Variants in PDE6C observed in about 807,000 individuals in gnomAD.
The protein encoded by PDE6C is phosphodiesterase 6C.
Under a neutral mutation model 113.1 loss-of-function variants are expected in PDE6C, and 75 were observed. That is an observed-to-expected ratio of 0.66 (90% CI 0.55 to 0.80). PDE6C has a LOEUF of 0.80. Ranked by LOEUF, PDE6C falls within the 30% of genes least tolerant of loss-of-function variation. PDE6C has a pLI of 0.00. For synonymous variants in PDE6C, 375 were observed against 363.7 expected (o/e 1.03, Z -0.35); for missense variants, 912 against 1,038.6 (o/e 0.88, Z 1.67).
Position 93,635,607 on chromosome 10 carries a change from C to A in PDE6C, c.1380C>A (p.Thr460=), listed in dbSNP as rs3737228. 3.5e-5 allele frequency: 57 copies of A among 1,613,576 alleles called. No individual in the cohort carries two copies. Among genetic ancestry groups the A allele is most frequent in the Admixed American group, 8.3e-5 (5 of 59,974 alleles). ...DIAQEMLMNQ[T]KATPEEIKSI... ...CTCAGGAAATGCTCATGAACCAAAC[C>A]AAAGCCACTCCTGAAGAAATTAAGT... The change falls in exon 10 of 22, where the codon ACC becomes ACA. Residue 460 remains threonine (T), a synonymous_variant. Transcript: ENST00000371447.
intron 8 of PDE6C, among the ~76,000 whole-genome samples, chr10:93,629,834 T>C (rs2058491384): frequency 6.6e-6 from 1 of 152,040 alleles, no homozygotes; most frequent in African/African-American, 2.4e-5. Context: ...TGACTGTAAA[T>C]ACAGATGAAG....
intron 14 of PDE6C, 80 bp downstream of exon 14, chr10:93,641,109 A>G: frequency 1.2e-6 from 1 of 855,814 alleles, no homozygotes; most frequent in South Asian, 1.4e-5. Flanking sequence ...GCTTCTCCCT[A>G]TTCCTTGGCC....
In PDE6C at chr10:93,625,567, G is replaced by T. The variant is rs1442833423; in HGVS notation, c.865-8G>T. The T allele has an allele frequency of 1.2e-6, 2 of 1,601,036 alleles. No homozygotes were observed. On this transcript the variant is annotated splice_region_variant and splice_polypyrimidine_tract_variant and intron_variant, in intron 4 of 21. Coordinates refer to ENST00000371447, the MANE Select transcript of PDE6C (RefSeq NM_006204.4). ...TGTTTAATGATACTTAAATCTGATT[G>T]CCTCCAGGAATTCTACGATGAATGG...
chr10:93,646,190 C>A (rs1471237733), intron 15 of PDE6C, 143 bp downstream of exon 15: 2 of 624,066 alleles, frequency 3.2e-6, no homozygotes, highest in African/African-American at 3.7e-5. Flanking sequence ...ATAGAAATTG[C>A]TATATTGAAC....
chr10:93,637,210 C>T, intron 11 of PDE6C, 147 bp downstream of exon 11: 1 of 642,040 alleles, frequency 1.6e-6, no homozygotes, highest in Non-Finnish European at 2.8e-6. Context: ...AAGAATTCTT[C>T]TAAAGATTGA....
intron 14 of PDE6C, 71 bp downstream of exon 14, chr10:93,641,100 C>A: frequency 1.1e-6 from 1 of 921,168 alleles, no homozygotes; most frequent in Non-Finnish European, 1.8e-6. Context: ...GAGAAAAACG[C>A]TTCTCCCTAT....
chr10:93,651,077 C>T (rs2058607849), intron 15 of PDE6C, among the ~76,000 whole-genome samples: 1 of 152,162 alleles, frequency 6.6e-6, no homozygotes, highest in Non-Finnish European at 1.5e-5. Flanking sequence ...TGGAATTCTA[C>T]TCGCTCTATG....
chr10:93,645,161 C>A (rs2058578577), intron 14 of PDE6C, among the ~76,000 whole-genome samples: 1 of 151,782 alleles, frequency 6.6e-6, no homozygotes, highest in African/African-American at 2.4e-5. Flanking sequence ...TCTCTAATGC[C>A]AACACAGAGT....
chr10:93,647,117 T>C (rs570812747), intron 15 of PDE6C, among the ~76,000 whole-genome samples: 1 of 152,168 alleles, frequency 6.6e-6, no homozygotes, highest in South Asian at 2.1e-4. Flanking sequence ...TGAAGGGATA[T>C]ATGGGCCTGT....
At chr10:93,657,108 T>C (rs2058641218) in intron 16 of PDE6C, among the ~76,000 whole-genome samples, 1 of 152,070 alleles carries the variant, frequency 6.6e-6, no homozygotes, top group Non-Finnish European at 1.5e-5. Context: ...TGATGTGTAT[T>C]CATAATTTCC....
chr10:93,638,441 C>T (rs1481792540), intron 11 of PDE6C, among the ~76,000 whole-genome samples: 1 of 152,164 alleles, frequency 6.6e-6, no homozygotes, highest in African/African-American at 2.4e-5. Context: ...AGAAGACCAC[C>T]CTTTCTTCTC....
intron 7 of PDE6C, among the ~76,000 whole-genome samples, chr10:93,627,787 T>C (rs2058481226): frequency 6.6e-6 from 1 of 152,248 alleles, no homozygotes; most frequent in Non-Finnish European, 1.5e-5. Context: ...AGTTAGATCA[T>C]GAAATTAATG....
At chr10:93,613,972 G>T (rs184884539) in intron 1 of PDE6C, among the ~76,000 whole-genome samples, 11 of 152,278 alleles carry the variant, frequency 7.2e-5, no homozygotes, top group African/African-American at 2.6e-4. Context: ...CTTACCATTA[G>T]AGTACATGTT....
At chr10:93,648,802 A>T (rs962840654) in intron 15 of PDE6C, among the ~76,000 whole-genome samples, 1 of 152,262 alleles carries the variant, frequency 6.6e-6, no homozygotes, top group African/African-American at 2.4e-5. Flanking sequence ...CATATTGCTC[A>T]GCATAAATAA....
intron 13 of PDE6C, 75 bp downstream of exon 13, chr10:93,640,632 C>G (rs1461812192): frequency 1.4e-5 from 15 of 1,054,828 alleles, no homozygotes; most frequent in Non-Finnish European, 1.9e-5. Flanking sequence ...TAGGTATGGT[C>G]CATCATTTTA....
chr10:93,635,563 G>A lies in PDE6C; in HGVS notation c.1336G>A (p.Glu446Lys). ...TDTYDKMNKL[E>K]NRKDIAQEML... ...CACCTACGATAAGATGAATAAGCTA[G>A]AAAACAGAAAGGACATTGCTCAGGA... The change falls in exon 10 of 22, where the codon GAA (glutamate) becomes AAA (lysine). Residue 446 changes from glutamate (E) to lysine (K), a missense_variant. Physicochemically the swap from Glu to Lys is moderately conservative, Grantham distance 56. Coordinates refer to ENST00000371447, the MANE Select transcript of PDE6C (RefSeq NM_006204.4). 4 of 1,613,462 alleles carry A rather than the reference G, an allele frequency of 2.5e-6. No homozygotes were observed. The highest frequency in any genetic ancestry group is 3.4e-6 in the Non-Finnish European group (4 of 1,179,430).
In PDE6C at chr10:93,658,945, T is replaced by C. The variant is rs2058653541; in HGVS notation, c.2081T>C (p.Met694Thr). The change falls in exon 17 of 22, where the codon ATG becomes ACG. Residue 694 changes from methionine to threonine, a missense_variant. Transcript: ENST00000371447. The stretch of plus-strand genomic sequence containing the variant: ...AAAATTGTTGATGCCTGTGAACAAA[T>C]GCAAACGGAAGAAGAAGCCATCAAA... The part of the protein sequence containing the change: ...FQKIVDACEQ[M>T]QTEEEAIKYV... 2 of 1,613,182 alleles carry C rather than the reference T, an allele frequency of 1.2e-6. No homozygotes were observed. The highest frequency in any genetic ancestry group is 2.7e-5 in the African/African-American group (2 of 74,904).
chr10:93,631,651 C>T (rs1462418208), intron 8 of PDE6C, among the ~76,000 whole-genome samples: 2 of 152,220 alleles, frequency 1.3e-5, no homozygotes, highest in African/African-American at 2.4e-5. Flanking sequence ...CGGACTAGGA[C>T]GGGTGACCGC....
intron 15 of PDE6C, among the ~76,000 whole-genome samples, chr10:93,655,118 C>A (rs2058630358): frequency 6.6e-6 from 1 of 152,070 alleles, no homozygotes; most frequent in African/African-American, 2.4e-5. Context: ...CCTATATTCT[C>A]ATTTTCTAGA....
Sources: allele counts gnomAD v4.1 joint callset (sites outside exome capture counted in the v4.1 genomes callset), GRCh38; gene constraint gnomAD v4.1.1; transcripts MANE v1.5; gene names NCBI Gene and HGNC (gene_info 2026-07-23, HGNC 2026-07-21).